TENM1: variants seen among roughly 807,000 people sequenced by gnomAD.
TENM1 encodes the protein teneurin transmembrane protein 1.
In TENM1, 35 loss-of-function variants were observed where a neutral mutation model predicts 174.8. The observed-to-expected ratio is 0.20, with a 90% CI of 0.15 to 0.27. The LOEUF (loss-of-function observed/expected upper bound fraction) is 0.27, where lower values mean the gene tolerates loss of function less well. Among genes scored for constraint, TENM1 ranks in the 10% least tolerant of loss-of-function variants. The pLI is 1.00. For missense variants in TENM1, 1,633 were observed against 2,130.1 expected (o/e 0.77, Z 4.59); for synonymous variants, 781 against 798.7 (o/e 0.98, Z 0.37).
Position 124,796,652 on chromosome X carries a change from CATT to C in TENM1, c.536-59458_536-59456del, listed in dbSNP as rs781437088. Among the ~76,000 whole-genome samples, 13 of 111,094 alleles carry C rather than the reference CATT, an allele frequency of 1.2e-4. No homozygotes were observed. In the South Asian group the frequency reaches 4.9e-3, roughly 42 times the overall value. On this transcript the variant is annotated intron_variant, in intron 3 of 31. Coordinates refer to ENST00000422452, the Ensembl canonical transcript of TENM1. The stretch of plus-strand genomic sequence containing the variant: ...ATATTGTTCTCTGCTGGGAAGAGCT[CATT>C]ATTATACTAAATATAGAAGATATGG...
At position 124,452,879 on chromosome X, in the gene TENM1, G is replaced by T. The variant is rs2206157; in HGVS notation, c.4104+458C>A. Among the ~76,000 whole-genome samples the T allele has an allele frequency of 0.011, 776 of 72,684 alleles. 16 individuals carry two copies. The Middle Eastern group carries it at 0.11, about 10-fold the overall frequency. 63.1% of individuals were successfully genotyped at this position (72,684 alleles called of 115,157 possible). On this transcript the variant is annotated intron_variant, in intron 23 of 31. Transcript: ENST00000422452. ...CCTGTTGTGGGGTGGGGGGAGGGGGGAGGGATAACTTTAGGAGATATACCT... is the reference window on the plus strand; with the variant it reads ...CCTGTTGTGGGGTGGGGGGAGGGGGTAGGGATAACTTTAGGAGATATACCT...
chrX:125,178,522 C>T, the TENM1 span, among the ~76,000 whole-genome samples: 1 of 109,879 alleles, frequency 9.1e-6, no homozygotes, highest in African/African-American at 3.3e-5. Flanking sequence ...AATATCTGAC[C>T]ATTACTGAAA....
intron 3 of TENM1, among the ~76,000 whole-genome samples, chrX:124,747,199 A>C (rs1218263827): frequency 1.8e-5 from 2 of 108,538 alleles, no homozygotes; most frequent in Non-Finnish European, 1.9e-5. Flanking sequence ...AAAAAATAAA[A>C]ACGCAAATTA....
At chrX:124,913,197 CATAA>C (rs2057864556) in intron 1 of TENM1, among the ~76,000 whole-genome samples, 1 of 110,685 alleles carries the variant, frequency 9.0e-6, no homozygotes, top group Non-Finnish European at 1.9e-5. Flanking sequence ...ATAGTGATTC[CATAA>C]ATAAATATTT....
intron 3 of TENM1, among the ~76,000 whole-genome samples, chrX:124,800,441 A>G (rs1017907302): frequency 9.0e-6 from 1 of 111,122 alleles, no homozygotes; most frequent in African/African-American, 3.3e-5. Context: ...GTCTGTGGTG[A>G]TATCCCCTTT....
At chrX:124,593,181 G>A (rs1211989519) in intron 11 of TENM1, among the ~76,000 whole-genome samples, 1 of 111,639 alleles carries the variant, frequency 9.0e-6, no homozygotes, top group Non-Finnish European at 1.9e-5. Context: ...CAGCCACCAG[G>A]TGAATAGGTG....
At chrX:125,042,344 T>C in the TENM1 span, among the ~76,000 whole-genome samples, 1 of 111,082 alleles carries the variant, frequency 9.0e-6, no homozygotes, top group Non-Finnish European at 1.9e-5. Context: ...CCTTTTTAAG[T>C]CCTCTTTCCC....
chrX:124,621,296 AC>A (rs2050513068), intron 11 of TENM1, among the ~76,000 whole-genome samples: 1 of 111,302 alleles, frequency 9.0e-6, no homozygotes, highest in African/African-American at 3.3e-5. Context: ...ACATGGTGAA[AC>A]CCTGTCTCTA....
intron 3 of TENM1, among the ~76,000 whole-genome samples, chrX:124,871,025 T>C (rs1480090123): frequency 9.0e-6 from 1 of 111,188 alleles, no homozygotes; most frequent in Non-Finnish European, 1.9e-5. Flanking sequence ...ATTCTATTTA[T>C]CTTGAAATAT....
chrX:124,494,547 A>T (rs2047144475), intron 20 of TENM1, among the ~76,000 whole-genome samples: 1 of 110,178 alleles, frequency 9.1e-6, no homozygotes, highest in African/African-American at 3.3e-5. Context: ...GTTTTAGGGT[A>T]CATGTGCACA....
chrX:124,721,664 A>C (rs1042609398), intron 4 of TENM1, among the ~76,000 whole-genome samples: 22 of 112,350 alleles, frequency 2.0e-4, no homozygotes, highest in African/African-American at 6.5e-4. Context: ...AGAGCATTGG[A>C]TTGTTTGCAC....
At chrX:124,502,289 G>A (rs1479208551) in intron 19 of TENM1, among the ~76,000 whole-genome samples, 1 of 112,196 alleles carries the variant, frequency 8.9e-6, no homozygotes, top group Non-Finnish European at 1.9e-5. Context: ...AAAATCAGGG[G>A]GCCCCCCCCA....
chrX:124,752,871 T>G (rs1198526450), intron 3 of TENM1, among the ~76,000 whole-genome samples: 2 of 110,676 alleles, frequency 1.8e-5, no homozygotes, highest in East Asian at 5.7e-4. Context: ...TTGGTACCAG[T>G]ACCATGCTGT....
chrX:125,000,119 A>G, the TENM1 span, among the ~76,000 whole-genome samples: 2 of 111,982 alleles, frequency 1.8e-5, no homozygotes, highest in Admixed American at 1.9e-4. Context: ...AGTGTGAGAT[A>G]ATAATGAATC....
exon 17 of TENM1, chrX:124,523,397 A>G: frequency 1.7e-6 from 2 of 1,211,982 alleles, no homozygotes; most frequent in Middle Eastern, 2.3e-4. Context: ...CCCTCTCTGG[A>G]CAGGACCCTC....
chrX:124,911,753 A>T (rs963208274), intron 1 of TENM1, among the ~76,000 whole-genome samples: 1 of 111,833 alleles, frequency 8.9e-6, no homozygotes, highest in Non-Finnish European at 1.9e-5. Flanking sequence ...TACCATACTA[A>T]GGAATTGGGC....
exon 32 of TENM1, chrX:124,380,893 C>G: frequency 8.3e-7 from 1 of 1,211,901 alleles, no homozygotes; most frequent in Non-Finnish European, 1.1e-6. Flanking sequence ...CAGAAGTCAT[C>G]TGGGACACAG....
the TENM1 span, among the ~76,000 whole-genome samples, chrX:124,975,034 G>A: frequency 9.4e-6 from 1 of 106,602 alleles, no homozygotes. Flanking sequence ...GAAATTTTTT[G>A]TAACGGTGTA....
the TENM1 span, among the ~76,000 whole-genome samples, chrX:125,031,383 A>T: frequency 8.9e-6 from 1 of 111,816 alleles, no homozygotes. Context: ...TGGTTATCTT[A>T]AGTAAATGGC....
Sources: allele counts gnomAD v4.1 joint callset (sites outside exome capture counted in the v4.1 genomes callset), GRCh38; gene constraint gnomAD v4.1.1; transcripts MANE v1.5; gene names NCBI Gene and HGNC (gene_info 2026-07-23, HGNC 2026-07-21).